NCALD: variants seen among roughly 807,000 people sequenced by gnomAD.
NCALD encodes neurocalcin delta, also known as neurocalcin-delta.
NCALD carries 10 observed loss-of-function variants against 18.6 expected under a neutral mutation model. The observed-to-expected ratio is 0.54, with a 90% CI of 0.33 to 0.91. The LOEUF is 0.91. Ranked by LOEUF, NCALD falls within the 40% of genes least tolerant of loss-of-function variation. The pLI, the probability that NCALD is intolerant of heterozygous loss-of-function variation, is 0.03. For missense variants in NCALD, 184 were observed against 247.6 expected (o/e 0.74, Z 1.72); for synonymous variants, 88 against 87.4 (o/e 1.01, Z -0.04).
chr8:102,123,884 G>A (rs971800963), intron 1 of NCALD: 9 of 152,458 alleles, frequency 5.9e-5, no homozygotes, highest in African/African-American at 2.2e-4. Context: ...GCTCACCAAC[G>A]CCCCCTTCTG....
Position 101,687,317 on chromosome 8 carries a change from G to C in NCALD, c.*1992C>G. ...TGAGCACTGCCAATAGGGCATGCTA[G>C]GTCTCCTCACCCAGTCTGCCTTCTG... On this transcript the variant is annotated 3_prime_UTR_variant, in exon 4 of 4. Coordinates refer to ENST00000220931, the MANE Select transcript of NCALD (RefSeq NM_032041.3). 1 of 152,710 alleles carries C rather than the reference G, an allele frequency of 6.5e-6. No homozygotes were observed. The highest frequency in any genetic ancestry group is 2.1e-4 in the South Asian group (1 of 4,834). The allele number at this position is 152,710 out of a possible 1,614,324, so 9.5% of individuals were successfully genotyped here.
At chr8:102,113,921 T>C (rs1199099577) in intron 1 of NCALD, among the ~76,000 whole-genome samples, 1 of 152,220 alleles carries the variant, frequency 6.6e-6, no homozygotes, top group Non-Finnish European at 1.5e-5. Flanking sequence ...AACTTGATAA[T>C]CATTGGTGTA....
chr8:101,845,686 ATCTTC>A (rs1359171677), intron 4 of NCALD, among the ~76,000 whole-genome samples: 1 of 152,134 alleles, frequency 6.6e-6, no homozygotes, highest in Non-Finnish European at 1.5e-5. Flanking sequence ...AACATTCCAA[ATCTTC>A]TCTTCTAGCT....
chr8:101,855,198 AC>A (rs922866964), intron 4 of NCALD, among the ~76,000 whole-genome samples: 1 of 152,100 alleles, frequency 6.6e-6, no homozygotes, highest in Non-Finnish European at 1.5e-5. Context: ...GAGGGAGTAC[AC>A]CCTCTTCTCT....
intron 4 of NCALD, among the ~76,000 whole-genome samples, chr8:101,843,582 GTTTTT>G (rs369393213): frequency 8.0e-6 from 1 of 125,140 alleles, no homozygotes; most frequent in Non-Finnish European, 1.6e-5. Context: ...TTTAAAAATT[GTTTTT>G]TTTTTTTTTG....
At chr8:101,738,225 C>T (rs1181184929) in intron 1 of NCALD, among the ~76,000 whole-genome samples, 1 of 152,186 alleles carries the variant, frequency 6.6e-6, no homozygotes, top group Admixed American at 6.5e-5. Context: ...ATAGTATACT[C>T]ACTACAAAGC....
chr8:101,781,056 C>T (rs1399712091), intron 1 of NCALD, among the ~76,000 whole-genome samples: 3 of 152,078 alleles, frequency 2.0e-5, no homozygotes, highest in Non-Finnish European at 2.9e-5. Context: ...AGTTGATCAA[C>T]ATTTTTCAAG....
chr8:102,040,039 C>A (rs1470601147), intron 1 of NCALD, among the ~76,000 whole-genome samples: 1 of 152,130 alleles, frequency 6.6e-6, no homozygotes, highest in African/African-American at 2.4e-5. Flanking sequence ...CCTCAGGTAT[C>A]CCTTTACAGC....
At chr8:101,966,677 T>C (rs1310388625) in intron 2 of NCALD, among the ~76,000 whole-genome samples, 1 of 152,204 alleles carries the variant, frequency 6.6e-6, no homozygotes, top group Non-Finnish European at 1.5e-5. Context: ...TTAGCATTCT[T>C]ATCTAGACCT....
intron 2 of NCALD, among the ~76,000 whole-genome samples, chr8:102,011,035 T>G (rs1821887383): frequency 6.6e-6 from 1 of 152,180 alleles, no homozygotes; most frequent in African/African-American, 2.4e-5. Context: ...ATCATGTAGT[T>G]GAGGAGGCAA....
rs117265592 is a variant in NCALD at position 101,992,731 on chromosome 8, G to A, written c.-157+27506C>T. Among the ~76,000 whole-genome samples, 459 of 152,158 alleles carry A rather than the reference G, an allele frequency of 3.0e-3. 16 individuals carry two copies. The East Asian group carries it at 0.07, about 23-fold the overall frequency. On this transcript the variant is annotated intron_variant, in intron 2 of 6. Coordinates refer to the NCALD transcript ENST00000311028. ...ACAACTCCAGAGTCACATTCACATC[G>A]TTGTCCATGTGAAAGGCACCCCTGG...
At chr8:101,847,363 C>T in intron 4 of NCALD, 1 of 221,280 alleles carries the variant, frequency 4.5e-6, no homozygotes, top group South Asian at 7.6e-5. Context: ...AACAGGATCG[C>T]CCTTCCCTTC....
chr8:102,118,146 C>G (rs1825844976), intron 1 of NCALD, among the ~76,000 whole-genome samples: 1 of 152,212 alleles, frequency 6.6e-6, no homozygotes, highest in South Asian at 2.1e-4. Context: ...TGGGAGGCAC[C>G]AGCACCAGAT....
At chr8:101,982,060 C>G (rs1346176959) in intron 2 of NCALD, among the ~76,000 whole-genome samples, 3 of 152,174 alleles carry the variant, frequency 2.0e-5, no homozygotes, top group Non-Finnish European at 2.9e-5. Context: ...TGCTCCCACT[C>G]TCATCATATG....
chr8:101,833,118 A>C (rs1814255933), intron 4 of NCALD, among the ~76,000 whole-genome samples: 1 of 152,178 alleles, frequency 6.6e-6, no homozygotes, highest in East Asian at 1.9e-4. Flanking sequence ...CCCCTTCTGG[A>C]AACTTGCCTG....
rs1814620885 is a variant in NCALD, at chr8:101,689,543, G to A, written c.485-137C>T. On this transcript the variant is annotated intron_variant, in intron 3 of 3. Transcript: ENST00000220931. The surrounding 1 kb of genome is among the most constrained non-coding windows in gnomAD (Gnocchi z 4.4). The stretch of plus-strand genomic sequence containing the variant: ...CCACTGTGACACACAGCACTCACCT[G>A]TCCCGGGGAAGAGCCCAGTGGAATC... The A allele has an allele frequency of 6.0e-6, 4 of 665,430 alleles. No homozygotes were observed. Among genetic ancestry groups the A allele is most frequent in the African/African-American group, 1.8e-5 (1 of 55,326 alleles). The allele number at this position is 665,430 out of a possible 1,614,324, so 41.2% of individuals were successfully genotyped here.
At chr8:101,780,283 G>C (rs1811958433) in intron 1 of NCALD, among the ~76,000 whole-genome samples, 1 of 152,124 alleles carries the variant, frequency 6.6e-6, no homozygotes, top group Non-Finnish European at 1.5e-5. Flanking sequence ...AAGTGATTTG[G>C]AACACATGCT....
chr8:101,855,724 A>C (rs1815290016), intron 4 of NCALD, among the ~76,000 whole-genome samples: 1 of 152,188 alleles, frequency 6.6e-6, no homozygotes. Flanking sequence ...ATTATGGGTG[A>C]AGAGAAAGCA....
Position 101,910,401 on chromosome 8 carries a change from G to A in NCALD, c.-107+5408C>T, listed in dbSNP as rs554059431. On this transcript the variant is annotated intron_variant, in intron 3 of 6. Transcript: ENST00000311028. ...GCCAGAAAAGGAGAGCTCAGAATGA[G>A]AGGAGGTAATTTTGGGGACACAGGG... Among the ~76,000 whole-genome samples the A allele has an allele frequency of 2.9e-5, 4 of 138,888 alleles. No homozygotes were observed. In the South Asian group the frequency reaches 8.4e-4, roughly 29 times the overall value. The allele number at this position is 138,888 out of a possible 152,430, so 91.1% of individuals were successfully genotyped here.
Sources: gnomAD v4.1 joint callset for allele counts (sites outside exome capture counted in the v4.1 genomes callset) on GRCh38, gnomAD v4.1.1 for gene constraint, Gnocchi (gnomAD v3.1) non-coding constraint, MANE v1.5 for transcripts, NCBI Gene and HGNC (gene_info 2026-07-23, HGNC 2026-07-21) for gene names.